DCDC1: variants seen among roughly 807,000 people sequenced by gnomAD.
The protein encoded by DCDC1 is doublecortin domain containing 1.
In DCDC1, 200 loss-of-function variants were observed where a neutral mutation model predicts 178.3. The ratio of observed to expected loss-of-function variants is 1.12; its 90% confidence interval spans 1.00 to 1.26. The LOEUF is 1.26. Ranked by LOEUF, DCDC1 falls within the 50% of genes most tolerant of loss-of-function variation. The pLI is 0.00. For missense variants in DCDC1, 1,983 were observed against 1,749.2 expected (o/e 1.13, Z -2.38); for synonymous variants, 690 against 604.8 (o/e 1.14, Z -2.07).
At chr11:31,344,391 A>C (rs1048110644) in intron 1 of DCDC1, among the ~76,000 whole-genome samples, 1 of 152,106 alleles carries the variant, frequency 6.6e-6, no homozygotes, top group African/African-American at 2.4e-5. Context: ...ACCCCCACCT[A>C]GGGTACCATT....
chr11:31,047,774 A>G (rs926308759), intron 20 of DCDC1, among the ~76,000 whole-genome samples: 27 of 152,192 alleles, frequency 1.8e-4, no homozygotes, highest in South Asian at 4.1e-4. Context: ...ACTATATAGT[A>G]CAATTCTCTA....
At position 31,091,486 on chromosome 11, in the gene DCDC1, A is replaced by G; in HGVS notation, c.2144T>C (p.Ile715Thr). Residue 715 changes from isoleucine to threonine, a missense_variant, in exon 17 of 39, where the codon ATA (isoleucine) becomes ACA (threonine). Physicochemically the swap from Ile to Thr is moderately conservative, Grantham distance 89. Transcript: ENST00000684477. ...ACCAATAGCCAGGCAGCCCTGAGTT[A>G]TCGCTCGGCTCAGGATCATTCCAGT... is the stretch of plus-strand genomic sequence containing the variant. Reference protein sequence around the residue: ...TKTGMILSRAITQGCLAIGHP... With the variant: ...TKTGMILSRATTQGCLAIGHP... The G allele has an allele frequency of 1.3e-6, 1 of 759,250 alleles. No individual in the cohort carries two copies. The highest frequency in any genetic ancestry group is 2.4e-6 in the Non-Finnish European group (1 of 414,370). The allele number at this position is 759,250 out of a possible 1,614,324, so 47.0% of individuals were successfully genotyped here.
At chr11:31,280,072 T>A (rs1946315522) in intron 7 of DCDC1, among the ~76,000 whole-genome samples, 1 of 152,156 alleles carries the variant, frequency 6.6e-6, no homozygotes, top group African/African-American at 2.4e-5. Flanking sequence ...ATGTGAGAAG[T>A]GTTAAATAAC....
At chr11:31,294,606 G>A (rs1466652962) in intron 6 of DCDC1, among the ~76,000 whole-genome samples, 4 of 39,328 alleles carry the variant, frequency 1.0e-4, no homozygotes, top group Non-Finnish European at 2.3e-4. Context: ...ATGGGGAGGG[G>A]AGGGGAGGGG....
In DCDC1 at chr11:30,883,782, C is replaced by T. The variant is rs529998207; in HGVS notation, c.5083-2474G>A. 5.5e-4 allele frequency among the ~76,000 whole-genome samples: 84 copies of T among 152,156 alleles called. 1 individual carries two copies. Among genetic ancestry groups the T allele is most frequent in the Non-Finnish European group, 1.0e-3 (69 of 67,996 alleles). On this transcript the variant is annotated intron_variant, in intron 36 of 38. Coordinates refer to ENST00000684477, the MANE Select transcript of DCDC1 (RefSeq NM_001387274.1). ...TGATGTCCTCCAGTATACAAAACCT[C>T]AGAAGACATATCACACACAAATATT...
intron 9 of DCDC1, among the ~76,000 whole-genome samples, chr11:31,145,466 C>T (rs1367369114): frequency 1.3e-5 from 2 of 152,160 alleles, no homozygotes; most frequent in South Asian, 2.1e-4. Flanking sequence ...CCAGCTTAAG[C>T]GACATTCACA....
chr11:31,016,166 C>T (rs978926660), intron 20 of DCDC1, among the ~76,000 whole-genome samples: 2 of 151,956 alleles, frequency 1.3e-5, no homozygotes, highest in African/African-American at 4.8e-5. Flanking sequence ...ATAATACTTC[C>T]CGTAAGAGGT....
Position 31,232,249 on chromosome 11 carries a change from T to C in DCDC1, c.1221+9201A>G, listed in dbSNP as rs539582006. 7.2e-5 allele frequency among the ~76,000 whole-genome samples: 11 copies of C among 152,356 alleles called. 1 individual carries two copies. The South Asian group carries it at 2.3e-3, about 32-fold the overall frequency. On this transcript the variant is annotated intron_variant, in intron 9 of 38. Transcript: ENST00000684477. ...TTTTTTAGAAATCTTTTAATTATCATGTAAATAGAACAATTATATCATACT... is the reference window on the plus strand; with the variant it reads ...TTTTTTAGAAATCTTTTAATTATCACGTAAATAGAACAATTATATCATACT...
At position 31,091,529 on chromosome 11, in the gene DCDC1, G is replaced by A. The variant is rs768480674; in HGVS notation, c.2119-18C>T. 1.4e-6 allele frequency: 1 copy of A among 727,348 alleles called. No individual in the cohort carries two copies. Among genetic ancestry groups the A allele is most frequent in the Non-Finnish European group, 2.5e-6 (1 of 397,164 alleles). The allele number at this position is 727,348 out of a possible 1,614,324, so 45.1% of individuals were successfully genotyped here. A position where few individuals can be genotyped will look rare whatever the true frequency, so the allele number is the denominator to read the frequency against. On this transcript the variant is annotated intron_variant, in intron 16 of 38. Coordinates refer to ENST00000684477, the MANE Select transcript of DCDC1 (RefSeq NM_001387274.1). ...ATTCCAGTCTTCCAATGAATAGAGA[G>A]GGGGAGAAAGGTCTAAATAAGTTAA...
At chr11:31,080,111 T>C (rs948131505) in intron 17 of DCDC1, among the ~76,000 whole-genome samples, 3 of 152,176 alleles carry the variant, frequency 2.0e-5, no homozygotes, top group Admixed American at 2.0e-4. Context: ...TGAGGATCTT[T>C]CTATATTATA....
At chr11:31,232,198 C>G (rs761414870) in intron 9 of DCDC1, among the ~76,000 whole-genome samples, 1 of 152,266 alleles carries the variant, frequency 6.6e-6, no homozygotes, top group African/African-American at 2.4e-5. Context: ...CCAGATCATG[C>G]CCCCAACATG....
rs189796496 is a variant in DCDC1 at position 30,894,372 on chromosome 11, G to A, written c.4778C>T (p.Ala1593Val). The A allele has an allele frequency of 2.2e-4, 357 of 1,613,440 alleles. 2 individuals carry two copies. In the East Asian group the frequency reaches 5.5e-3, roughly 25 times the overall value. ...AACCATGGTGGCTGGCTGACATGCC[G>A]CTACTCGCCGCCCTGAGGAAACAAG... ...KMRQLKGRRVAACQPATMVPT... is the reference protein window; with the variant it reads ...KMRQLKGRRVVACQPATMVPT... Residue 1593 changes from alanine to valine, a missense_variant, in exon 35 of 39, where the codon GCG becomes GTG. By Grantham distance (64) the Ala-to-Val change is moderately conservative. Coordinates refer to ENST00000684477, the MANE Select transcript of DCDC1 (RefSeq NM_001387274.1).
intron 18 of DCDC1, among the ~76,000 whole-genome samples, chr11:31,075,013 A>G (rs760418896): frequency 6.6e-6 from 1 of 152,160 alleles, no homozygotes; most frequent in Non-Finnish European, 1.5e-5. Context: ...CTTGAATGAT[A>G]TATATTGCAT....
In DCDC1 at chr11:30,888,148, AAG is replaced by A. The variant is rs1313873942; in HGVS notation, c.5082+4668_5082+4669del. Among the ~76,000 whole-genome samples, 123 of 141,116 alleles carry A rather than the reference AAG, an allele frequency of 8.7e-4. 1 individual carries two copies. The highest frequency in any genetic ancestry group is 3.5e-3 in the African/African-American group (118 of 33,306). 92.6% of individuals were successfully genotyped at this position (141,116 alleles called of 152,430 possible). A position where few individuals can be genotyped will look rare whatever the true frequency, so the allele number is the denominator to read the frequency against. ...AAAGAAAGAAAGAAAGAAAGAAAGA[AAG>A]AAAGAAAGAAAGGGAAAGAAAGAAA... On this transcript the variant is annotated intron_variant, in intron 36 of 38. Coordinates refer to ENST00000684477, the MANE Select transcript of DCDC1 (RefSeq NM_001387274.1).
At position 31,359,178 on chromosome 11, in the gene DCDC1, C is replaced by T. The variant is rs1460365129; in HGVS notation, c.-125+10519G>A. Among the ~76,000 whole-genome samples, 45 of 152,052 alleles carry T rather than the reference C, an allele frequency of 3.0e-4. 1 individual carries two copies. The highest frequency in any genetic ancestry group is 1.5e-5 in the Non-Finnish European group (1 of 68,006). On this transcript the variant is annotated intron_variant, in intron 1 of 38. Coordinates refer to ENST00000684477, the MANE Select transcript of DCDC1 (RefSeq NM_001387274.1). ...TATTCACAATAGCAAAGACTTGGAA[C>T]CAACCCAAATGTCCAACAATGATAG...
rs1391535046 is a variant in DCDC1 at position 30,958,422 on chromosome 11, A to G, written c.2592-5854T>C. 2.6e-5 allele frequency among the ~76,000 whole-genome samples: 4 copies of G among 152,160 alleles called. No homozygotes were observed. In the East Asian group the frequency reaches 5.8e-4, roughly 22 times the overall value. ...ACACAACATTGTCTCAGATTAAGAG[A>G]CCCATTTTATGGCAAAGGATGTGCA... On this transcript the variant is annotated intron_variant, in intron 20 of 38. Transcript: ENST00000684477.
rs557010865 is a variant in DCDC1, at chr11:30,888,034, GAA to G, written c.5082+4782_5082+4783del. ...AAAAAGAAAGAAAGAGAGAGAGAGA[GAA>G]AGAAAGAAAGAAAGAAAGAAAGAAA... On this transcript the variant is annotated intron_variant, in intron 36 of 38. Coordinates refer to ENST00000684477, the MANE Select transcript of DCDC1 (RefSeq NM_001387274.1). Among the ~76,000 whole-genome samples the G allele has an allele frequency of 4.3e-3, 285 of 66,722 alleles. 4 individuals are homozygous for G. Among genetic ancestry groups the G allele is most frequent in the African/African-American group, 0.02 (255 of 12,498 alleles). The allele number at this position is 66,722 out of a possible 152,430, so 43.8% of individuals were successfully genotyped here. A position where few individuals can be genotyped will look rare whatever the true frequency, so the allele number is the denominator to read the frequency against.
At chr11:30,989,089 C>T (rs971749890) in intron 20 of DCDC1, among the ~76,000 whole-genome samples, 1 of 152,002 alleles carries the variant, frequency 6.6e-6, no homozygotes, top group Non-Finnish European at 1.5e-5. Flanking sequence ...AGTCAGAGAA[C>T]ACAGCCCTGG....
intron 9 of DCDC1, chr11:31,156,061 T>A (rs1367897371): frequency 6.6e-6 from 1 of 152,178 alleles, no homozygotes; most frequent in African/African-American, 2.4e-5. Flanking sequence ...TGGCAAACTG[T>A]TTCTGTAAAG....
Sources: allele counts gnomAD v4.1 joint callset (sites outside exome capture counted in the v4.1 genomes callset), GRCh38; gene constraint gnomAD v4.1.1; transcripts MANE v1.5; gene names NCBI Gene and HGNC (gene_info 2026-07-23, HGNC 2026-07-21).